CCND1: variants seen among roughly 807,000 people sequenced by gnomAD.
CCND1 encodes G1/S-specific cyclin-D1.
In CCND1, 9 loss-of-function variants were observed where a neutral mutation model predicts 26.1. The ratio of observed to expected loss-of-function variants is 0.35; its 90% CI spans 0.21 to 0.60. CCND1 has a LOEUF of 0.60. Ranked by LOEUF, CCND1 falls within the 20% of genes least tolerant of loss-of-function variation. CCND1 has a pLI of 0.79. For synonymous variants in CCND1, 194 were observed against 166.1 expected (o/e 1.17, Z -1.29); for missense variants, 335 against 392.9 (o/e 0.85, Z 1.25).
At chr11:69,644,094 T>A in intron 3 of CCND1, 103 bp downstream of exon 3, 1 of 1,147,028 alleles carries the variant, frequency 8.7e-7, no homozygotes, top group Non-Finnish European at 1.3e-6. Context: ...TGGGAAGATG[T>A]CCCCAGACCC....
chr11:69,647,075 C>A (rs1368414958), intron 3 of CCND1, among the ~76,000 whole-genome samples: 1 of 152,152 alleles, frequency 6.6e-6, no homozygotes, highest in East Asian at 1.9e-4. Flanking sequence ...CCTCCTGGGG[C>A]CCGGCTCCCG....
At chr11:69,651,025 G>C (rs1855846703) in intron 4 of CCND1, 93 bp from the exon 5 acceptor site, 3 of 1,261,116 alleles carry the variant, frequency 2.4e-6, no homozygotes, top group Non-Finnish European at 3.3e-6. Context: ...TCTTATAAAG[G>C]CTTCCGGGTC....
chr11:69,653,693 A>G lies in CCND1; in HGVS notation c.*2411A>G. The G allele has an allele frequency of 3.1e-6, 1 of 327,750 alleles. No individual in the cohort carries two copies. Among genetic ancestry groups the G allele is most frequent in the Non-Finnish European group, 5.6e-6 (1 of 178,466 alleles). 20.3% of individuals were successfully genotyped at this position (327,750 alleles called of 1,614,324 possible). A position where few individuals can be genotyped will look rare whatever the true frequency, so the allele number is the denominator to read the frequency against. ...CTGCGCCTGTGATGCTGGGCACTTC[A>G]TCTGATCGGGGGCGTAGCATCATAG... On this transcript the variant is annotated 3_prime_UTR_variant, in exon 5 of 5. Transcript: ENST00000227507.
chr11:69,646,361 G>T (rs976480902), intron 3 of CCND1, among the ~76,000 whole-genome samples: 1 of 152,144 alleles, frequency 6.6e-6, no homozygotes, highest in Non-Finnish European at 1.5e-5. Flanking sequence ...TCCCCTTCAG[G>T]GTGGCTGCCT....
rs3212881 is a variant in CCND1, at chr11:69,649,295, C to T, written c.723+1153C>T. The stretch of plus-strand genomic sequence containing the variant: ...ACGCCCTGAGTGAAAACCGCTTCCC[C>T]GCCAGGGGTGACTGCCCTGGGATGT... On this transcript the variant is annotated intron_variant, in intron 4 of 4. Transcript: ENST00000227507. 4.5e-3 allele frequency among the ~76,000 whole-genome samples: 684 copies of T among 152,344 alleles called. 6 individuals are homozygous for T. The highest frequency in any genetic ancestry group is 0.016 in the African/African-American group (652 of 41,590).
intron 4 of CCND1, 110 bp from the exon 5 acceptor site, chr11:69,651,008 G>C (rs1180971186): frequency 1.9e-6 from 2 of 1,053,068 alleles, no homozygotes; most frequent in Admixed American, 2.8e-5. Flanking sequence ...TTTTGGCTTA[G>C]TCTTGCTCTT....
chr11:69,646,118 G>C (rs894483803), intron 3 of CCND1, among the ~76,000 whole-genome samples: 2 of 152,198 alleles, frequency 1.3e-5, no homozygotes, highest in Non-Finnish European at 1.5e-5. Flanking sequence ...CGCTGTGTGT[G>C]CCCCTGGAGA....
intron 4 of CCND1, among the ~76,000 whole-genome samples, chr11:69,648,868 C>T (rs1402903496): frequency 6.6e-6 from 1 of 151,882 alleles, no homozygotes; most frequent in Non-Finnish European, 1.5e-5. Flanking sequence ...GGTGGTCTGC[C>T]CTCGAGCCTC....
intron 3 of CCND1, among the ~76,000 whole-genome samples, chr11:69,646,575 C>T (rs1260768506): frequency 2.0e-5 from 3 of 152,290 alleles, no homozygotes; most frequent in South Asian, 4.1e-4. Context: ...GCGATGGGGC[C>T]GACAAAGATG....
At position 69,653,481 on chromosome 11, in the gene CCND1, G is replaced by T. The variant is rs1356485584; in HGVS notation, c.*2199G>T. 1 of 570,718 alleles carries T rather than the reference G, an allele frequency of 1.8e-6. No homozygotes were observed. The highest frequency in any genetic ancestry group is 3.0e-6 in the Non-Finnish European group (1 of 328,258). 35.4% of individuals were successfully genotyped at this position (570,718 alleles called of 1,614,324 possible). On this transcript the variant is annotated 3_prime_UTR_variant, in exon 5 of 5. Coordinates refer to ENST00000227507, the MANE Select transcript of CCND1 (RefSeq NM_053056.3). ...GTGATTACTGCTCTATTCCAAAAAG[G>T]TTGCTGTTTCACAATACCTCATGCT...
Position 69,654,232 on chromosome 11 carries a change from GC to G in CCND1, c.*2951del. ...GGGACGCTTTGTCTGTCGTGATGGG[GC>G]AAGGGCACAAGTCCTGGATGTTGTG... On this transcript the variant is annotated 3_prime_UTR_variant, in exon 5 of 5. Transcript: ENST00000227507. The surrounding 1 kb of genome is among the most constrained non-coding windows in gnomAD (Gnocchi z 6.3). 1 of 702,554 alleles carries G rather than the reference GC, an allele frequency of 1.4e-6. No homozygotes were observed. The highest frequency in any genetic ancestry group is 2.6e-6 in the Non-Finnish European group (1 of 385,006). The allele number at this position is 702,554 out of a possible 1,614,324, so 43.5% of individuals were successfully genotyped here.
chr11:69,643,359 C>A (rs1855735285), intron 2 of CCND1, 113 bp downstream of exon 2: 1 of 792,858 alleles, frequency 1.3e-6, no homozygotes, highest in Non-Finnish European at 1.9e-6. Context: ...TCTGCTCCTC[C>A]GAGGGAGGGC....
intron 1 of CCND1, among the ~76,000 whole-genome samples, chr11:69,642,021 G>A (rs1855709952): frequency 6.6e-6 from 1 of 152,180 alleles, no homozygotes; most frequent in Non-Finnish European, 1.5e-5. Flanking sequence ...TTGGGGGCAG[G>A]GTGGGGGCGG....
rs1331191870 is a variant in CCND1, at chr11:69,653,021, TG to T, written c.*1740del. ...TCGGTTCCGATGAATTCTTATCCCC[TG>T]CCCCTTCCTTTAAAAAACTTAGTGA... On this transcript the variant is annotated 3_prime_UTR_variant, in exon 5 of 5. Coordinates refer to ENST00000227507, the MANE Select transcript of CCND1 (RefSeq NM_053056.3). The T allele has an allele frequency of 2.1e-6, 1 of 478,694 alleles. No homozygotes were observed. The highest frequency in any genetic ancestry group is 2.0e-5 in the African/African-American group (1 of 50,088). The allele number at this position is 478,694 out of a possible 1,614,324, so 29.7% of individuals were successfully genotyped here.
At chr11:69,648,238 A>G (rs1035055645) in intron 4 of CCND1, 96 bp downstream of exon 4, 2 of 1,451,804 alleles carry the variant, frequency 1.4e-6, no homozygotes, top group African/African-American at 1.4e-5. Flanking sequence ...AAGGCCCCCA[A>G]GGGTGACAAG....
At chr11:69,641,716 C>T (rs2930977) in intron 1 of CCND1, among the ~76,000 whole-genome samples, 10 of 151,050 alleles carry the variant, frequency 6.6e-5, no homozygotes, top group African/African-American at 1.9e-4. Context: ...CTAGAAGTAG[C>T]GTTTCGTGGG....
At position 69,643,026 on chromosome 11, in the gene CCND1, C is replaced by T. The variant is rs758963834; in HGVS notation, c.199-5C>T. Reference sequence around the variant, plus strand: ...GCGGCGGTCACGGGCCCCGTGCCTCCGTAGGTCTGCGAGGAACAGAAGTGC... The same window carrying T: ...GCGGCGGTCACGGGCCCCGTGCCTCTGTAGGTCTGCGAGGAACAGAAGTGC... On this transcript the variant is annotated splice_polypyrimidine_tract_variant and splice_region_variant and intron_variant, in intron 1 of 4. Coordinates refer to ENST00000227507, the MANE Select transcript of CCND1 (RefSeq NM_053056.3). The T allele has an allele frequency of 3.8e-6, 6 of 1,574,986 alleles. No homozygotes were observed. The highest frequency in any genetic ancestry group is 3.5e-5 in the Admixed American group (2 of 56,790).
At chr11:69,643,347 T>G in intron 2 of CCND1, 101 bp downstream of exon 2, 3 of 893,878 alleles carry the variant, frequency 3.4e-6, no homozygotes, top group Non-Finnish European at 4.9e-6. Flanking sequence ...GCCTCTGACA[T>G]ATCTGCTCCT....
Position 69,653,522 on chromosome 11 carries a change from G to A in CCND1, c.*2240G>A. 3.6e-6 allele frequency: 2 copies of A among 559,440 alleles called. No individual in the cohort carries two copies. The highest frequency in any genetic ancestry group is 4.6e-5 in the South Asian group (2 of 43,868). 34.7% of individuals were successfully genotyped at this position (559,440 alleles called of 1,614,324 possible). On this transcript the variant is annotated 3_prime_UTR_variant, in exon 5 of 5. Coordinates refer to ENST00000227507, the MANE Select transcript of CCND1 (RefSeq NM_053056.3). The stretch of plus-strand genomic sequence containing the variant: ...ACCTCATGCTTCACTTAGCCATGGT[G>A]GACCCAGCGGGCAGGTTCTGCCTGC...
Sources: allele counts gnomAD v4.1 joint callset (sites outside exome capture counted in the v4.1 genomes callset), GRCh38; gene constraint gnomAD v4.1.1; non-coding constraint Gnocchi (gnomAD v3.1); transcripts MANE v1.5; gene names NCBI Gene and HGNC (gene_info 2026-07-23, HGNC 2026-07-21).